UNC5D: variants seen among roughly 807,000 people sequenced by gnomAD.
UNC5D encodes netrin receptor UNC5D.
Under a neutral mutation model 105.4 loss-of-function variants are expected in UNC5D, and 39 were observed. The observed-to-expected ratio is 0.37, with a 90% CI of 0.29 to 0.48. The LOEUF is 0.48. UNC5D is among the 20% of genes least tolerant of loss of function. The pLI is 0.98. For missense variants in UNC5D, 991 were observed against 1,202.4 expected, an observed-to-expected ratio of 0.82 and a Z score of 2.60; for synonymous variants, 452 against 450.4, an observed-to-expected ratio of 1.00 and a Z score of -0.04.
chr8:35,748,690 T>A lies in UNC5D; in HGVS notation c.1930T>A (p.Trp644Arg), dbSNP rs1056114420. 1.2e-6 allele frequency: 2 copies of A among 1,613,134 alleles called. No individual in the cohort carries two copies. The highest frequency in any genetic ancestry group is 3.3e-5 in the Admixed American group (2 of 59,880). ...HLKKRTQQGKWEEVMSVEDES... is the reference protein window; with the variant it reads ...HLKKRTQQGKREEVMSVEDES... Reference sequence around the variant, plus strand: ...AAAGAAGAGGACACAGCAGGGCAAATGGGAGGTGAGACCCTTTACTTCCTT... The same window carrying A: ...AAAGAAGAGGACACAGCAGGGCAAAAGGGAGGTGAGACCCTTTACTTCCTT... Residue 644 changes from tryptophan (W) to arginine (R), a missense_variant, in exon 12 of 17, where the codon TGG (tryptophan) becomes AGG (arginine). By Grantham distance (101) the Trp-to-Arg change is moderately radical (BLOSUM62 -3). This residue lies in a region of UNC5D where 944 missense variants were observed against 1,131.6 expected (regional missense o/e 0.83). Coordinates refer to ENST00000404895, the MANE Select transcript of UNC5D (RefSeq NM_080872.4).
At chr8:35,767,505 T>C (rs1801825536) in intron 15 of UNC5D, among the ~76,000 whole-genome samples, 1 of 152,206 alleles carries the variant, frequency 6.6e-6, no homozygotes, top group Non-Finnish European at 1.5e-5. Flanking sequence ...AGTTGCCCTA[T>C]ATGTGCTATT....
intron 8 of UNC5D, among the ~76,000 whole-genome samples, chr8:35,709,186 G>T (rs1457423208): frequency 6.6e-6 from 1 of 151,978 alleles, no homozygotes; most frequent in Admixed American, 6.6e-5. Context: ...GAGGTGTTCT[G>T]GGTGGTGGAG....
intron 8 of UNC5D, among the ~76,000 whole-genome samples, chr8:35,708,222 C>T (rs992063615): frequency 2.0e-5 from 3 of 152,138 alleles, no homozygotes; most frequent in African/African-American, 4.8e-5. Flanking sequence ...GGCAGAGGCA[C>T]GAGCTTAGAG....
chr8:35,542,078 A>G (rs548717475), intron 1 of UNC5D, among the ~76,000 whole-genome samples: 1 of 152,360 alleles, frequency 6.6e-6, no homozygotes, highest in Admixed American at 6.5e-5. Flanking sequence ...GAGGTGAATG[A>G]TGCAAACGCA....
chr8:35,521,778 G>A (rs1813498978), intron 1 of UNC5D, among the ~76,000 whole-genome samples: 1 of 152,100 alleles, frequency 6.6e-6, no homozygotes, highest in Non-Finnish European at 1.5e-5. Context: ...TCTTTTATTT[G>A]TGTTTCTATT....
intron 1 of UNC5D, among the ~76,000 whole-genome samples, chr8:35,538,281 G>A (rs1792224146): frequency 6.6e-6 from 1 of 151,026 alleles, no homozygotes. Context: ...TAAAAGAATT[G>A]AGTGGCAGTC....
chr8:35,576,739 A>G (rs1292583066), intron 3 of UNC5D, among the ~76,000 whole-genome samples: 2 of 152,088 alleles, frequency 1.3e-5, no homozygotes, highest in Non-Finnish European at 2.9e-5. Flanking sequence ...CAGCCTCCTG[A>G]GTAGCTGGGA....
intron 1 of UNC5D, among the ~76,000 whole-genome samples, chr8:35,517,945 G>A (rs942766846): frequency 3.9e-5 from 6 of 152,100 alleles, no homozygotes; most frequent in African/African-American, 1.4e-4. Flanking sequence ...CCTTTCATAA[G>A]GGCACTAGTC....
chr8:35,374,437 A>G (rs1185071788), intron 1 of UNC5D, among the ~76,000 whole-genome samples: 1 of 152,230 alleles, frequency 6.6e-6, no homozygotes, highest in East Asian at 1.9e-4. Context: ...AGCTACAAGA[A>G]GGTAACAATG....
At chr8:35,675,784 T>G (rs1825171110) in intron 4 of UNC5D, among the ~76,000 whole-genome samples, 1 of 152,032 alleles carries the variant, frequency 6.6e-6, no homozygotes. Context: ...TTTCCATTTC[T>G]AAAGGATTAA....
chr8:35,650,645 T>C (rs1034244213), intron 4 of UNC5D, among the ~76,000 whole-genome samples: 6 of 152,060 alleles, frequency 3.9e-5, no homozygotes, highest in African/African-American at 1.2e-4. Flanking sequence ...TTTTTTTTTG[T>C]ATTTTTAATA....
chr8:35,687,461 A>C (rs1324742417), intron 7 of UNC5D, among the ~76,000 whole-genome samples: 1 of 151,860 alleles, frequency 6.6e-6, no homozygotes, highest in African/African-American at 2.4e-5. Context: ...AAAAAAAAAA[A>C]AAGTTATGGG....
rs117889565 is a variant in UNC5D, at chr8:35,329,626, A to G, written c.103+93739A>G. Reference sequence around the variant, plus strand: ...CTGACTCCTTTCCATGTATTAGGCCATGATCGGGTATGCTATAGAGCTAAA... The same window carrying G: ...CTGACTCCTTTCCATGTATTAGGCCGTGATCGGGTATGCTATAGAGCTAAA... On this transcript the variant is annotated intron_variant, in intron 1 of 16. Transcript: ENST00000404895. 1.2e-4 allele frequency among the ~76,000 whole-genome samples: 18 copies of G among 152,160 alleles called. No homozygotes were observed. The East Asian group carries it at 3.3e-3, about 28-fold the overall frequency.
chr8:35,429,428 A>G (rs1026053485), intron 1 of UNC5D, among the ~76,000 whole-genome samples: 2 of 152,044 alleles, frequency 1.3e-5, no homozygotes, highest in Admixed American at 6.6e-5. Flanking sequence ...TGTGACTTAT[A>G]TGGGTTTGTT....
chr8:35,627,029 G>A (rs1401467854), intron 4 of UNC5D, among the ~76,000 whole-genome samples: 1 of 152,116 alleles, frequency 6.6e-6, no homozygotes, highest in East Asian at 1.9e-4. Flanking sequence ...TTTATTCATA[G>A]AAACTAATTC....
intron 1 of UNC5D, among the ~76,000 whole-genome samples, chr8:35,468,568 T>C (rs1809478645): frequency 2.0e-5 from 3 of 152,206 alleles, no homozygotes; most frequent in Admixed American, 2.0e-4. Flanking sequence ...TGTTATTGTC[T>C]GTGTCCTCTG....
intron 4 of UNC5D, among the ~76,000 whole-genome samples, chr8:35,625,059 G>C (rs957322999): frequency 6.6e-5 from 10 of 152,186 alleles, no homozygotes; most frequent in Non-Finnish European, 1.0e-4. Flanking sequence ...TCAGCGACCT[G>C]GTAGTCTTTT....
chr8:35,285,281 A>T (rs1049973805), intron 1 of UNC5D, among the ~76,000 whole-genome samples: 3 of 152,198 alleles, frequency 2.0e-5, no homozygotes, highest in African/African-American at 7.2e-5. Flanking sequence ...GGACAAGGCT[A>T]ACTTATTTTC....
chr8:35,386,860 CT>C (rs1585723313), intron 1 of UNC5D, among the ~76,000 whole-genome samples: 1 of 151,882 alleles, frequency 6.6e-6, no homozygotes, highest in African/African-American at 2.4e-5. Context: ...GCTTACTTTG[CT>C]TTTTTTATTT....
Sources: gnomAD v4.1 joint callset for allele counts (sites outside exome capture counted in the v4.1 genomes callset) on GRCh38, gnomAD v4.1.1 for gene constraint, gnomAD v4.1.1 regional missense constraint, MANE v1.5 for transcripts, NCBI Gene and HGNC (gene_info 2026-07-23, HGNC 2026-07-21) for gene names.